LIMS2: variants seen among roughly 807,000 people sequenced by gnomAD.
The protein encoded by LIMS2 is LIM zinc finger domain containing 2, also known as LIM and senescent cell antigen-like-containing domain protein 2.
Under a neutral mutation model 45.3 loss-of-function variants are expected in LIMS2, and 30 were observed. The ratio of observed to expected loss-of-function variants is 0.66; its 90% CI spans 0.50 to 0.90. The LOEUF (loss-of-function observed/expected upper bound fraction) is 0.90, where lower values mean the gene tolerates loss of function less well. Ranked by LOEUF, LIMS2 falls within the 40% of genes least tolerant of loss-of-function variation. LIMS2 has a pLI of 0.00. For missense variants in LIMS2, 485 were observed against 468.7 expected, an observed-to-expected ratio of 1.03 and a Z score of -0.32; for synonymous variants, 173 against 188.0, an observed-to-expected ratio of 0.92 and a Z score of 0.65.
chr2:127,650,420 G>T, intron 4 of LIMS2: 1 of 540,964 alleles, frequency 1.8e-6, no homozygotes. Context: ...CCATGGCACT[G>T]ACCCGGTCCT....
At position 127,639,356 on chromosome 2, in the gene LIMS2, C is replaced by T. The variant is rs1558864597; in HGVS notation, c.951G>A (p.Lys317=). The T allele has an allele frequency of 6.2e-7, 1 of 1,614,018 alleles. No homozygotes were observed. The highest frequency in any genetic ancestry group is 1.3e-5 in the African/African-American group (1 of 75,030). ...RCYEKFPLEL[K]KRLKKLSELT... Reference sequence around the variant, plus strand: ...GCTCCGACAGCTTCTTCAGCCGCTTCTTCAGCTCCAGCGGGAACTTCTCGT... The same window carrying T: ...GCTCCGACAGCTTCTTCAGCCGCTTTTTCAGCTCCAGCGGGAACTTCTCGT... Residue 317 remains lysine, a synonymous_variant, in exon 10 of 10, where the codon AAG becomes AAA. Transcript: ENST00000355119.
intron 1 of LIMS2, among the ~76,000 whole-genome samples, chr2:127,662,400 A>T (rs1404280728): frequency 1.3e-5 from 2 of 152,052 alleles, no homozygotes; most frequent in Non-Finnish European, 2.9e-5. Context: ...GAGCAGCTCC[A>T]GTCCCTCAGC....
rs1032510740 is a variant in LIMS2, at chr2:127,667,323, C to A, written c.11+7691G>T. On this transcript the variant is annotated intron_variant, in intron 1 of 9. Coordinates refer to ENST00000355119, the MANE Select transcript of LIMS2 (RefSeq NM_001161403.3). This position sits in a 1 kb window ranked among gnomAD's most constrained non-coding sequence, Gnocchi z 4.1. ...GAAAAAAACAAAAAACAAAAAACAA[C>A]AAACCTTCACAAAATCTTTCCAAAC... 6.6e-5 allele frequency among the ~76,000 whole-genome samples: 10 copies of A among 152,036 alleles called. No homozygotes were observed. Among genetic ancestry groups the A allele is most frequent in the Non-Finnish European group, 8.8e-5 (6 of 67,998 alleles).
intron 1 of LIMS2, among the ~76,000 whole-genome samples, chr2:127,661,020 G>A (rs921328606): frequency 6.6e-6 from 1 of 152,202 alleles, no homozygotes; most frequent in African/African-American, 2.4e-5. Context: ...GCAGCTCTGT[G>A]AGGGAACATT....
At position 127,672,419 on chromosome 2, in the gene LIMS2, GCCCAGGTGCCT is replaced by G; in HGVS notation, c.11+2584_11+2594del. On this transcript the variant is annotated intron_variant, in intron 1 of 9. Coordinates refer to ENST00000355119, the MANE Select transcript of LIMS2 (RefSeq NM_001161403.3). The surrounding 1 kb of genome is among the most constrained non-coding windows in gnomAD (Gnocchi z 4.9). ...TACTCCTGGGCTTCAGCCCCTCCAT[GCCCAGGTGCCT>G]CCCACGGCTCCCCCTCAGACTTGCC... Among the ~76,000 whole-genome samples the G allele has an allele frequency of 6.6e-6, 1 of 152,068 alleles. No individual in the cohort carries two copies. Among genetic ancestry groups the G allele is most frequent in the East Asian group, 1.9e-4 (1 of 5,156 alleles).
At position 127,649,103 on chromosome 2, in the gene LIMS2, G is replaced by GAA; in HGVS notation, c.359+5319_359+5320dup. On this transcript the variant is annotated intron_variant, in intron 4 of 9. Transcript: ENST00000355119. ...GAAAAGAAAAAAAGAAAAAAGAAAA[G>GAA]AAAAAAGGAAAATAAAGAAAAGCAA... Among the ~76,000 whole-genome samples, 3 of 130,306 alleles carry GAA rather than the reference G, an allele frequency of 2.3e-5. No individual in the cohort carries two copies. The East Asian group carries it at 6.4e-4, about 28-fold the overall frequency. 85.5% of individuals were successfully genotyped at this position (130,306 alleles called of 152,430 possible). A position where few individuals can be genotyped will look rare whatever the true frequency, so the allele number is the denominator to read the frequency against.
intron 1 of LIMS2, among the ~76,000 whole-genome samples, chr2:127,669,633 G>A (rs771425751): frequency 2.0e-5 from 3 of 152,088 alleles, no homozygotes; most frequent in South Asian, 2.1e-4. Context: ...CAGAAGAATC[G>A]CTTGAACCCA....
chr2:127,644,613 G>A (rs937070680), intron 4 of LIMS2, among the ~76,000 whole-genome samples: 8 of 152,212 alleles, frequency 5.3e-5, no homozygotes, highest in Admixed American at 1.3e-4. Context: ...CCTCCTGAGC[G>A]TCAGGACAAC....
At chr2:127,641,236 C>T (rs975813530) in intron 6 of LIMS2, 17 of 463,590 alleles carry the variant, frequency 3.7e-5, no homozygotes, top group African/African-American at 3.3e-4. Flanking sequence ...AGACCCTACC[C>T]CTCCTCTAAG....
chr2:127,642,887 C>T lies in LIMS2; in HGVS notation c.509+36G>A, dbSNP rs372584076. On this transcript the variant is annotated intron_variant, in intron 5 of 9. Transcript: ENST00000355119. This position sits in a 1 kb window ranked among gnomAD's most constrained non-coding sequence, Gnocchi z 5.3. ...TTACCCTGGGCCAGCCCTGGCTCCC[C>T]GCCCCCACAACTGCAGGGCCGGGCT... 1.2e-4 allele frequency: 189 copies of T among 1,544,550 alleles called. No homozygotes were observed. The highest frequency in any genetic ancestry group is 1.6e-4 in the Non-Finnish European group (178 of 1,142,590).
Position 127,657,388 on chromosome 2 carries a change from C to CA in LIMS2, c.171+14dup, listed in dbSNP as rs1272057458. 57 of 1,613,528 alleles carry CA rather than the reference C, an allele frequency of 3.5e-5. No homozygotes were observed. The highest frequency in any genetic ancestry group is 4.7e-5 in the Non-Finnish European group (56 of 1,179,968). ...TCCGAGCTGGGTCTGAGAAAGCCCTCAGTAGTGTCCTCACCTCATAGAAGA... is the reference window on the plus strand; with the variant it reads ...TCCGAGCTGGGTCTGAGAAAGCCCTCAAGTAGTGTCCTCACCTCATAGAAGA... On this transcript the variant is annotated intron_variant, in intron 2 of 9. Coordinates refer to ENST00000355119, the MANE Select transcript of LIMS2 (RefSeq NM_001161403.3).
intron 4 of LIMS2, chr2:127,650,297 C>T (rs144008142): frequency 0.017 from 9,671 of 576,694 alleles, 139 homozygotes; most frequent in Middle Eastern, 0.049. Context: ...GCTGGAATCC[C>T]GGAGACACAC....
In LIMS2 at chr2:127,642,028, G is replaced by A. The variant is rs370204422; in HGVS notation, c.660+21C>T. The A allele has an allele frequency of 2.7e-5, 43 of 1,607,946 alleles. No individual in the cohort carries two copies. Among genetic ancestry groups the A allele is most frequent in the African/African-American group, 4.0e-5 (3 of 74,820 alleles). On this transcript the variant is annotated intron_variant, in intron 6 of 9. Transcript: ENST00000355119. This position sits in a 1 kb window ranked among gnomAD's most constrained non-coding sequence, Gnocchi z 5.3. Reference sequence around the variant, plus strand: ...GGGGCACCCCCCAACCTGAGGCCACGTGTCCACCAGCCTGGCTCACCTCCA... The same window carrying A: ...GGGGCACCCCCCAACCTGAGGCCACATGTCCACCAGCCTGGCTCACCTCCA...
At chr2:127,650,220 G>A (rs1378805699) in intron 4 of LIMS2, 2 of 685,342 alleles carry the variant, frequency 2.9e-6, no homozygotes, top group Non-Finnish European at 5.0e-6. Context: ...GTGGGCAGGT[G>A]GGTCAGGGAG....
At chr2:127,659,101 G>A (rs1684451580) in intron 1 of LIMS2, among the ~76,000 whole-genome samples, 1 of 152,148 alleles carries the variant, frequency 6.6e-6, no homozygotes, top group African/African-American at 2.4e-5. Context: ...TGTGGGCGGA[G>A]GGTCTCACAG....
At chr2:127,674,500 G>T in intron 1 of LIMS2, 1 of 487,258 alleles carries the variant, frequency 2.1e-6, no homozygotes, top group Non-Finnish European at 2.7e-6. Context: ...ACCAACCCCT[G>T]CACAGCTGGT....
rs761139663 is a variant in LIMS2 at position 127,657,501 on chromosome 2, C to CG, written c.72dup (p.Ala25ArgfsTer14). ...CCATTGCTGTTGACAATGCGCTCGG[C>CG]GGGGGAGAAGCGGGCCTGGCAGCGC... is the stretch of plus-strand genomic sequence containing the variant. On this transcript the variant is annotated frameshift_variant, in exon 2 of 10. Transcript: ENST00000355119. LOFTEE classifies it high-confidence loss of function. 1 of 1,613,096 alleles carries CG rather than the reference C, an allele frequency of 6.2e-7. No homozygotes were observed. The highest frequency in any genetic ancestry group is 8.5e-7 in the Non-Finnish European group (1 of 1,179,742).
chr2:127,646,049 C>T (rs896325900), intron 4 of LIMS2: 5 of 153,248 alleles, frequency 3.3e-5, no homozygotes, highest in Non-Finnish European at 5.8e-5. Context: ...AGGAGCAGCC[C>T]GACACAACAA....
At chr2:127,651,907 A>G (rs936411930) in intron 4 of LIMS2, 5 of 718,938 alleles carry the variant, frequency 7.0e-6, no homozygotes, top group South Asian at 1.9e-5. Context: ...GTCTCAACCC[A>G]TAAAAAGGAA....
Sources: allele counts gnomAD v4.1 joint callset (sites outside exome capture counted in the v4.1 genomes callset), GRCh38; gene constraint gnomAD v4.1.1; non-coding constraint Gnocchi (gnomAD v3.1); transcripts MANE v1.5; gene names NCBI Gene and HGNC (gene_info 2026-07-23, HGNC 2026-07-21).